CDK14: variants seen among roughly 807,000 people sequenced by gnomAD.
CDK14 encodes cyclin-dependent kinase 14.
In CDK14, 34 loss-of-function variants were observed where a neutral mutation model predicts 60.7. The observed-to-expected ratio is 0.56, with a 90% CI of 0.43 to 0.75. The LOEUF (loss-of-function observed/expected upper bound fraction) is 0.75, where lower values mean the gene tolerates loss of function less well. CDK14 is among the 30% of genes least tolerant of loss of function. The pLI, the probability that CDK14 is intolerant of heterozygous loss-of-function variation, is 0.00. For synonymous variants in CDK14, 197 were observed against 203.7 expected, an observed-to-expected ratio of 0.97 and a Z score of 0.28; for missense variants, 482 against 564.1, an observed-to-expected ratio of 0.85 and a Z score of 1.47.
At chr7:91,016,481 A>G (rs748077966) in intron 10 of CDK14, among the ~76,000 whole-genome samples, 1 of 152,182 alleles carries the variant, frequency 6.6e-6, no homozygotes, top group Admixed American at 6.5e-5. Context: ...ACCCTGTTTT[A>G]TGGTACCATA....
rs556587580 is a variant in CDK14, at chr7:91,153,479, C to T, written c.*28+35271C>T. On this transcript the variant is annotated intron_variant, in intron 14 of 14. Transcript: ENST00000380050. ...ACATTAGCAAAGACATGGAATCAAC[C>T]TAAATGCCCACCAATGATAGACTAA... Among the ~76,000 whole-genome samples the T allele has an allele frequency of 1.9e-4, 29 of 152,238 alleles. No homozygotes were observed. In the South Asian group the frequency reaches 3.9e-3, roughly 21 times the overall value.
At chr7:90,639,292 A>G (rs1234153563) in intron 2 of CDK14, among the ~76,000 whole-genome samples, 6 of 151,846 alleles carry the variant, frequency 4.0e-5, no homozygotes, top group Non-Finnish European at 7.4e-5. Context: ...ATGGTGATGT[A>G]CAGATGGGTT....
Position 90,696,326 on chromosome 7 carries a change from A to ACTTCTT in CDK14, c.124-30234_124-30229dup, listed in dbSNP as rs149069653. 5.3e-3 allele frequency among the ~76,000 whole-genome samples: 466 copies of ACTTCTT among 88,250 alleles called. 26 individuals are homozygous for ACTTCTT. Among genetic ancestry groups the ACTTCTT allele is most frequent in the Middle Eastern group, 0.011 (2 of 178 alleles). 57.9% of individuals were successfully genotyped at this position (88,250 alleles called of 152,430 possible). ...AATCAGGAATTTGATTTGGTTTTGT[A>ACTTCTT]CTTCTTCTTCTTTTTTTTTTTTTTT... On this transcript the variant is annotated intron_variant, in intron 2 of 14. Transcript: ENST00000380050.
chr7:91,107,592 T>C (rs1469755664), intron 12 of CDK14: 1 of 152,226 alleles, frequency 6.6e-6, no homozygotes, highest in East Asian at 1.9e-4. Flanking sequence ...ACTGTCATCA[T>C]GTTGCTGGTT....
At chr7:90,860,679 C>G (rs976255890) in intron 5 of CDK14, among the ~76,000 whole-genome samples, 1 of 152,042 alleles carries the variant, frequency 6.6e-6, no homozygotes, top group African/African-American at 2.4e-5. Flanking sequence ...GCACGTGCCA[C>G]CACACCTAGC....
At chr7:90,842,070 AG>A (rs1321064051) in intron 5 of CDK14, among the ~76,000 whole-genome samples, 1 of 152,206 alleles carries the variant, frequency 6.6e-6, no homozygotes, top group Non-Finnish European at 1.5e-5. Context: ...AAGTTTAGTT[AG>A]AAATATTTTG....
intron 9 of CDK14, among the ~76,000 whole-genome samples, chr7:90,972,378 A>G (rs1291959273): frequency 6.6e-6 from 1 of 152,256 alleles, no homozygotes; most frequent in Non-Finnish European, 1.5e-5. Flanking sequence ...AAATGCCAAA[A>G]TGAAAAGATT....
intron 3 of CDK14, among the ~76,000 whole-genome samples, chr7:90,730,587 T>A (rs1802823142): frequency 6.6e-6 from 1 of 152,256 alleles, no homozygotes; most frequent in Admixed American, 6.5e-5. Flanking sequence ...GGTTTTGATT[T>A]GCATTTCTCT....
intron 10 of CDK14, among the ~76,000 whole-genome samples, chr7:91,009,934 G>C (rs1026550271): frequency 1.3e-5 from 2 of 152,012 alleles, no homozygotes; most frequent in African/African-American, 4.8e-5. Flanking sequence ...GTCTAGGATC[G>C]ATTTTTAGTT....
chr7:90,765,980 T>C (rs1804539587), intron 4 of CDK14, among the ~76,000 whole-genome samples: 1 of 152,220 alleles, frequency 6.6e-6, no homozygotes, highest in African/African-American at 2.4e-5. Flanking sequence ...CTTTTTCTAA[T>C]AATGTGTAGA....
chr7:91,091,621 A>T (rs1406374904), intron 12 of CDK14, among the ~76,000 whole-genome samples: 2 of 148,624 alleles, frequency 1.3e-5, no homozygotes, highest in East Asian at 3.9e-4. Context: ...GTGAGCCAAG[A>T]TCATACCATT....
Position 90,598,929 on chromosome 7 carries a change from C to A in CDK14, c.91+2211C>A, listed in dbSNP as rs373772825. Among the ~76,000 whole-genome samples the A allele has an allele frequency of 9.2e-4, 139 of 151,902 alleles. 1 individual carries two copies. Among genetic ancestry groups the A allele is most frequent in the African/African-American group, 3.1e-3 (127 of 41,424 alleles). Reference sequence around the variant, plus strand: ...CCGTTTTAGCCGGGATGGTCTCGATCTCCTGACCTCGTGATCCGCCCGCCT... The same window carrying A: ...CCGTTTTAGCCGGGATGGTCTCGATATCCTGACCTCGTGATCCGCCCGCCT... On this transcript the variant is annotated intron_variant, in intron 1 of 14. Coordinates refer to ENST00000380050, the MANE Select transcript of CDK14 (RefSeq NM_001287135.2).
intron 8 of CDK14, among the ~76,000 whole-genome samples, chr7:90,937,077 T>G (rs147136441): frequency 1.3e-3 from 198 of 152,214 alleles, no homozygotes; most frequent in African/African-American, 4.3e-3. Context: ...AGACCTTGCC[T>G]CTTAAAAAAT....
intron 14 of CDK14, among the ~76,000 whole-genome samples, chr7:91,138,319 T>A (rs990771721): frequency 1.3e-5 from 2 of 152,214 alleles, no homozygotes; most frequent in Admixed American, 6.5e-5. Flanking sequence ...GTACATATGT[T>A]TGAAGCCTTG....
intron 6 of CDK14, among the ~76,000 whole-genome samples, chr7:90,897,243 A>C (rs1165883545): frequency 1.3e-5 from 2 of 152,146 alleles, no homozygotes; most frequent in African/African-American, 2.4e-5. Context: ...AAATATCAAA[A>C]GTATAAATAA....
chr7:90,933,011 G>A lies in CDK14; in HGVS notation c.826+15287G>A, dbSNP rs150246794. The stretch of plus-strand genomic sequence containing the variant: ...ATCAAAAGTACTGTCCAATTATGTC[G>A]TGGTGATTAAACTATGTGATATGGT... On this transcript the variant is annotated intron_variant, in intron 8 of 14. Transcript: ENST00000380050. Among the ~76,000 whole-genome samples the A allele has an allele frequency of 1.6e-3, 246 of 152,224 alleles. 2 individuals are homozygous for A. The highest frequency in any genetic ancestry group is 5.5e-3 in the African/African-American group (230 of 41,522).
rs770857488 is a variant in CDK14 at position 90,747,684 on chromosome 7, A to G, written c.373A>G (p.Thr125Ala). 1.3e-6 allele frequency: 2 copies of G among 1,589,004 alleles called. No individual in the cohort carries two copies. The highest frequency in any genetic ancestry group is 1.7e-6 in the Non-Finnish European group (2 of 1,168,476). The change falls in exon 4 of 15, where the codon ACA becomes GCA. Residue 125 changes from threonine (T) to alanine (A), a missense_variant. Thr to Ala is a moderately conservative substitution (Grantham distance 58, BLOSUM62 0). Coordinates refer to ENST00000380050, the MANE Select transcript of CDK14 (RefSeq NM_001287135.2). ...VRRHSSPSSP[T>A]SPKFGKADSY... ...TTACCCTGTGCTTCATTTTTAGCCA[A>G]CAAGTCCCAAATTTGGAAAAGCTGA...
chr7:90,665,371 A>G (rs1178799385), intron 2 of CDK14, among the ~76,000 whole-genome samples: 2 of 152,204 alleles, frequency 1.3e-5, no homozygotes, highest in South Asian at 2.1e-4. Flanking sequence ...TATGGCAGGT[A>G]CTGTGCTGGT....
At chr7:91,180,642 G>C (rs1342679759) in intron 14 of CDK14, among the ~76,000 whole-genome samples, 1 of 152,156 alleles carries the variant, frequency 6.6e-6, no homozygotes, top group African/African-American at 2.4e-5. Flanking sequence ...AAATAAAACA[G>C]CCTATGTGTG....
Sources: gnomAD v4.1 joint callset for allele counts (sites outside exome capture counted in the v4.1 genomes callset) on GRCh38, gnomAD v4.1.1 for gene constraint, MANE v1.5 for transcripts, NCBI Gene and HGNC (gene_info 2026-07-23, HGNC 2026-07-21) for gene names.